The following MACROD2 variants were observed in gnomAD, a reference collection of about 807,000 sequenced individuals.
The protein encoded by MACROD2 is ADP-ribose glycohydrolase MACROD2.
In MACROD2, 36 loss-of-function variants were observed where a neutral mutation model predicts 70.4. The ratio of observed to expected loss-of-function variants is 0.51; its 90% CI spans 0.39 to 0.68. The LOEUF (loss-of-function observed/expected upper bound fraction) is 0.68. Ranked by LOEUF, MACROD2 falls within the 30% of genes least tolerant of loss-of-function variation. The pLI, the probability that MACROD2 is intolerant of heterozygous loss-of-function variation, is 0.00. For synonymous variants in MACROD2, 172 were observed against 178.8 expected (o/e 0.96, Z 0.30); for missense variants, 496 against 538.4 (o/e 0.92, Z 0.78).
In MACROD2 at chr20:15,935,915, C is replaced by T. The variant is rs113664388; in HGVS notation, c.839-1561C>T. 9.2e-3 allele frequency among the ~76,000 whole-genome samples: 1,396 copies of T among 152,234 alleles called. 32 individuals carry two copies. The highest frequency in any genetic ancestry group is 9.2e-3 in the Non-Finnish European group (627 of 68,014). On this transcript the variant is annotated intron_variant, in intron 11 of 17. Transcript: ENST00000684519. ...AAATTTCCATTGTCTGGGTTTGGGA[C>T]GGACTCTCTGAGGAAGTGATAGTTA...
chr20:14,509,050 T>A (rs2085000494), intron 4 of MACROD2, among the ~76,000 whole-genome samples: 3 of 152,188 alleles, frequency 2.0e-5, no homozygotes, highest in Admixed American at 2.0e-4. Context: ...GAGGAAAATC[T>A]GTATCTAGTT....
intron 5 of MACROD2, among the ~76,000 whole-genome samples, chr20:15,132,685 A>AAG (rs1167836621): frequency 1.3e-5 from 2 of 152,082 alleles, no homozygotes; most frequent in East Asian, 3.8e-4. Context: ...AAAATTATAA[A>AAG]AGATGAAGAA....
chr20:14,289,266 C>A (rs888252390), intron 3 of MACROD2, among the ~76,000 whole-genome samples: 1 of 152,082 alleles, frequency 6.6e-6, no homozygotes, highest in African/African-American at 2.4e-5. Context: ...TGATTCATCC[C>A]GTTCAAGTAA....
intron 5 of MACROD2, among the ~76,000 whole-genome samples, chr20:15,116,785 C>T (rs941509250): frequency 2.0e-5 from 3 of 152,084 alleles, no homozygotes; most frequent in African/African-American, 7.2e-5. Flanking sequence ...TTTATGTTAT[C>T]CATAAAGCTT....
intron 3 of MACROD2, among the ~76,000 whole-genome samples, chr20:14,166,161 A>T (rs1208031292): frequency 6.6e-6 from 1 of 152,156 alleles, no homozygotes; most frequent in Non-Finnish European, 1.5e-5. Flanking sequence ...TCTTTTGTAT[A>T]AAAAAAGTTT....
chr20:14,810,959 A>G (rs550645872), intron 5 of MACROD2, among the ~76,000 whole-genome samples: 5 of 152,046 alleles, frequency 3.3e-5, no homozygotes, highest in Admixed American at 3.3e-4. Flanking sequence ...AAATGGAAAA[A>G]CATTTCATGC....
intron 3 of MACROD2, among the ~76,000 whole-genome samples, chr20:14,096,354 G>A (rs1286891603): frequency 7.0e-6 from 1 of 143,030 alleles, no homozygotes; most frequent in Non-Finnish European, 1.5e-5. Context: ...CTAGATATAA[G>A]TTATTTTACC....
At chr20:14,337,711 C>A in intron 3 of MACROD2, 1 of 393,702 alleles carries the variant, frequency 2.5e-6, no homozygotes, top group South Asian at 1.4e-4. Flanking sequence ...AGATCTTGTT[C>A]AGTGAGGTAA....
intron 8 of MACROD2, among the ~76,000 whole-genome samples, chr20:15,524,231 T>C (rs2047690079): frequency 6.6e-6 from 1 of 151,906 alleles, no homozygotes; most frequent in South Asian, 2.1e-4. Flanking sequence ...GATTTGATGC[T>C]TCTGCTTGGG....
chr20:15,182,371 A>C (rs2076506568), intron 5 of MACROD2, among the ~76,000 whole-genome samples: 1 of 152,176 alleles, frequency 6.6e-6, no homozygotes, highest in Non-Finnish European at 1.5e-5. Flanking sequence ...TTACATTTAC[A>C]ATCTAGTGAG....
At chr20:14,783,954 T>G (rs2072332658) in intron 5 of MACROD2, among the ~76,000 whole-genome samples, 1 of 152,068 alleles carries the variant, frequency 6.6e-6, no homozygotes, top group Non-Finnish European at 1.5e-5. Flanking sequence ...CCCAAGTGCT[T>G]GAGCAAAGTA....
At chr20:15,459,298 C>T (rs890251295) in intron 7 of MACROD2, among the ~76,000 whole-genome samples, 1 of 152,032 alleles carries the variant, frequency 6.6e-6, no homozygotes, top group Non-Finnish European at 1.5e-5. Context: ...CTCCTGCCCC[C>T]TCCCCGCTCT....
At chr20:15,683,100 G>A (rs1222719385) in intron 8 of MACROD2, among the ~76,000 whole-genome samples, 1 of 152,166 alleles carries the variant, frequency 6.6e-6, no homozygotes, top group Non-Finnish European at 1.5e-5. Flanking sequence ...AAAAGGCCAT[G>A]CATTGCTTGT....
chr20:15,508,365 AATAGGT>A (rs1482702096), intron 8 of MACROD2, among the ~76,000 whole-genome samples: 1 of 152,040 alleles, frequency 6.6e-6, no homozygotes, highest in Non-Finnish European at 1.5e-5. Flanking sequence ...ATATACTGCT[AATAGGT>A]CTAGACCTTC....
At chr20:15,190,024 A>G (rs1409727936) in intron 5 of MACROD2, among the ~76,000 whole-genome samples, 4 of 152,178 alleles carry the variant, frequency 2.6e-5, no homozygotes, top group Non-Finnish European at 5.9e-5. Flanking sequence ...AGAGGCTCAA[A>G]TACATACTAC....
At chr20:15,242,749 C>A (rs2077070719) in intron 6 of MACROD2, among the ~76,000 whole-genome samples, 1 of 152,074 alleles carries the variant, frequency 6.6e-6, no homozygotes. Flanking sequence ...ATAGCACATG[C>A]ATTTTGGTTT....
chr20:14,131,763 C>G (rs2054721258), intron 3 of MACROD2, among the ~76,000 whole-genome samples: 1 of 152,092 alleles, frequency 6.6e-6, no homozygotes, highest in Admixed American at 6.6e-5. Flanking sequence ...GGATCTCACT[C>G]TGTCACTCAG....
At chr20:14,801,470 G>T (rs960836722) in intron 5 of MACROD2, among the ~76,000 whole-genome samples, 2 of 152,204 alleles carry the variant, frequency 1.3e-5, no homozygotes, top group East Asian at 3.9e-4. Context: ...TTTCCCCAGA[G>T]ATTTTTTTAA....
chr20:14,230,631 T>TTATATATATATATATATATA (rs71190119), intron 3 of MACROD2, among the ~76,000 whole-genome samples: 5 of 94,252 alleles, frequency 5.3e-5, no homozygotes, highest in African/African-American at 2.8e-4. Flanking sequence ...TCATTCATGT[T>TTATATATATATATATATATA]TATATATATA....
Sources: allele counts gnomAD v4.1 joint callset (sites outside exome capture counted in the v4.1 genomes callset), GRCh38; gene constraint gnomAD v4.1.1; transcripts MANE v1.5; gene names NCBI Gene and HGNC (gene_info 2026-07-23, HGNC 2026-07-21).